Variants in NOXRED1 observed in about 807,000 individuals in gnomAD.
NOXRED1 encodes NADP dependent oxidoreductase domain containing 1, also known as NADP-dependent oxidoreductase domain-containing protein 1.
In NOXRED1, 20 loss-of-function variants were observed where a neutral mutation model predicts 30.4. The observed-to-expected ratio is 0.66, with a 90% CI of 0.46 to 0.96. The LOEUF is 0.96. Among genes scored for constraint, NOXRED1 ranks in the 40% least tolerant of loss-of-function variants. The probability of loss-of-function intolerance (pLI) is 0.00; values close to 1 mark genes in which losing one functional copy is unlikely to be tolerated. For missense variants in NOXRED1, 374 were observed against 428.0 expected (o/e 0.87, Z 1.11); for synonymous variants, 155 against 168.0 (o/e 0.92, Z 0.60).
chr14:77,422,830 A>T lies in NOXRED1; in HGVS notation c.60T>A (p.Asp20Glu). Residue 20 changes from aspartate to glutamate, a missense_variant, in exon 1 of 6, where the codon GAT becomes GAA. Asp to Glu is a conservative substitution (Grantham distance 45). Transcript: ENST00000380835. ...LQFEYGVPEE[D>E]RIWLYLQGRS... Reference sequence around the variant, plus strand: ...GGCCCTGCAAATACAGCCAGATACGATCTTCCTCTGGAACCCCATACTCAA... The same window carrying T: ...GGCCCTGCAAATACAGCCAGATACGTTCTTCCTCTGGAACCCCATACTCAA... 6.2e-7 allele frequency: 1 copy of T among 1,613,840 alleles called. No individual in the cohort carries two copies. The highest frequency in any genetic ancestry group is 2.2e-5 in the East Asian group (1 of 44,872).
chr14:77,407,656 TAAAGGAAG>T lies in NOXRED1; in HGVS notation c.350-19_350-12del, dbSNP rs1399254274. 1.9e-6 allele frequency: 3 copies of T among 1,609,286 alleles called. No homozygotes were observed. Among genetic ancestry groups the T allele is most frequent in the Non-Finnish European group, 2.6e-6 (3 of 1,175,680 alleles). Reference sequence around the variant, plus strand: ...GCTTCTGGAGCTCACCTGGGAGGGATAAAGGAAGACAGGAAGAGCACAGTACTAAAGAG... The same window carrying T: ...GCTTCTGGAGCTCACCTGGGAGGGATACAGGAAGAGCACAGTACTAAAGAG... On this transcript the variant is annotated splice_polypyrimidine_tract_variant and intron_variant, in intron 2 of 5. Transcript: ENST00000380835.
chr14:77,406,090 G>T lies in NOXRED1; in HGVS notation c.728C>A (p.Ala243Glu), dbSNP rs775895152. 6.2e-7 allele frequency: 1 copy of T among 1,613,408 alleles called. No individual in the cohort carries two copies. ...NIKWLEGVFYAALNICTARNM... is the reference protein window; with the variant it reads ...NIKWLEGVFYEALNICTARNM... ...TCTTGCTGTGCATATGTTTAGGGCC[G>T]CATAGAACACTCCCTCCAACCACTT... The change falls in exon 5 of 6, where the codon GCG becomes GAG. Residue 243 changes from alanine to glutamate, a missense_variant. Physicochemically the swap from Ala to Glu is moderately radical, Grantham distance 107 (BLOSUM62 -1). Coordinates refer to ENST00000380835, the MANE Select transcript of NOXRED1 (RefSeq NM_001113475.3).
intron 5 of NOXRED1, among the ~76,000 whole-genome samples, chr14:77,404,647 T>C (rs1894410425): frequency 6.6e-6 from 1 of 151,326 alleles, no homozygotes; most frequent in African/African-American, 2.4e-5. Context: ...GAAAAGGGCC[T>C]AGGATAGAGC....
intron 2 of NOXRED1, among the ~76,000 whole-genome samples, chr14:77,408,909 T>TTTTTTTTTTTTG (rs1462930837): frequency 7.0e-6 from 1 of 142,436 alleles, no homozygotes; most frequent in African/African-American, 2.6e-5. Context: ...TTTTTTTTTT[T>TTTTTTTTTTTTG]TTTGGCTAGC....
intron 5 of NOXRED1, among the ~76,000 whole-genome samples, chr14:77,398,436 T>C (rs769599621): frequency 3.9e-5 from 6 of 152,198 alleles, no homozygotes; most frequent in Non-Finnish European, 7.3e-5. Context: ...TATCTGAGCC[T>C]AACTGACCTG....
At chr14:77,404,225 A>G (rs868863645) in intron 5 of NOXRED1, among the ~76,000 whole-genome samples, 12 of 152,216 alleles carry the variant, frequency 7.9e-5, no homozygotes, top group Middle Eastern at 3.2e-3. Context: ...AAGAGATCCA[A>G]TACAACAGAA....
chr14:77,410,936 CTTTAAAT>C (rs1894632324), intron 2 of NOXRED1, among the ~76,000 whole-genome samples: 1 of 152,086 alleles, frequency 6.6e-6, no homozygotes, highest in Non-Finnish European at 1.5e-5. Context: ...TTAGAAGTTT[CTTTAAAT>C]TTTAAAGATA....
chr14:77,416,353 T>C (rs911408909), intron 1 of NOXRED1, among the ~76,000 whole-genome samples: 10 of 152,162 alleles, frequency 6.6e-5, no homozygotes, highest in Non-Finnish European at 1.0e-4. Context: ...CTTGCGGCCT[T>C]CCACAGTGTT....
intron 1 of NOXRED1, among the ~76,000 whole-genome samples, chr14:77,421,695 C>T (rs141806436): frequency 1.1e-4 from 17 of 152,228 alleles, no homozygotes; most frequent in East Asian, 1.9e-4. Flanking sequence ...GTTTCCTTGG[C>T]GCAAGATTAA....
At position 77,414,181 on chromosome 14, in the gene NOXRED1, C is replaced by CTT. The variant is rs10592368; in HGVS notation, c.156-56_156-55dup. ...TAAATACATGCACACACTAGTTTTT[C>CTT]TTTTTTTTTTTTTTTTTTGAGACAG... On this transcript the variant is annotated intron_variant, in intron 1 of 5. Transcript: ENST00000380835. 21 of 718,190 alleles carry CTT rather than the reference C, an allele frequency of 2.9e-5. No homozygotes were observed. In the African/African-American group the frequency reaches 2.9e-4, roughly 10 times the overall value. The allele number at this position is 718,190 out of a possible 1,614,324, so 44.5% of individuals were successfully genotyped here. A position where few individuals can be genotyped will look rare whatever the true frequency, so the allele number is the denominator to read the frequency against.
intron 1 of NOXRED1, among the ~76,000 whole-genome samples, chr14:77,421,011 A>G (rs1894980304): frequency 6.6e-6 from 1 of 152,222 alleles, no homozygotes. Context: ...TTCATCCAAA[A>G]TATGTTGGTT....
rs1425408763 is a variant in NOXRED1 at position 77,423,016 on chromosome 14, T to C, written c.-127A>G. 1 of 736,778 alleles carries C rather than the reference T, an allele frequency of 1.4e-6. No individual in the cohort carries two copies. 45.6% of individuals were successfully genotyped at this position (736,778 alleles called of 1,614,324 possible). On this transcript the variant is annotated 5_prime_UTR_variant, in exon 1 of 6. Transcript: ENST00000380835. ...GTGCCCAGGTCACAAGCACTCATGA[T>C]GATGGGCTTCAGCACCTCTCTACTC...
At chr14:77,397,864 G>A (rs1894228433) in intron 5 of NOXRED1, among the ~76,000 whole-genome samples, 1 of 138,280 alleles carries the variant, frequency 7.2e-6, no homozygotes, top group East Asian at 2.0e-4. Flanking sequence ...CTGGGTGACA[G>A]AGCTAAAACT....
At chr14:77,405,067 C>G (rs1894421767) in intron 5 of NOXRED1, among the ~76,000 whole-genome samples, 1 of 152,136 alleles carries the variant, frequency 6.6e-6, no homozygotes, top group Non-Finnish European at 1.5e-5. Context: ...ACATATGCCA[C>G]CGAAATACTG....
At chr14:77,395,926 G>C (rs1205526496) in intron 5 of NOXRED1, among the ~76,000 whole-genome samples, 5 of 150,648 alleles carry the variant, frequency 3.3e-5, no homozygotes, top group Admixed American at 3.3e-4. Context: ...TTTTTCAAAA[G>C]ATCAGGAGAG....
intron 4 of NOXRED1, 180 bp from the exon 5 acceptor site, chr14:77,406,315 C>T (rs1264504784): frequency 4.9e-6 from 3 of 606,708 alleles, no homozygotes; most frequent in Non-Finnish European, 8.8e-6. Context: ...CCCTTTATAA[C>T]ACATCATGTG....
intron 1 of NOXRED1, among the ~76,000 whole-genome samples, chr14:77,414,820 C>T (rs1432826222): frequency 6.6e-6 from 1 of 152,070 alleles, no homozygotes; most frequent in Non-Finnish European, 1.5e-5. Flanking sequence ...ACATTGTGGG[C>T]CAGTCCCCTC....
intron 5 of NOXRED1, among the ~76,000 whole-genome samples, chr14:77,404,449 G>C (rs1002475140): frequency 2.0e-5 from 3 of 152,170 alleles, no homozygotes; most frequent in Non-Finnish European, 4.4e-5. Flanking sequence ...TTTAAGAGCA[G>C]GTATGTTTTT....
rs780438770 is a variant in NOXRED1, at chr14:77,394,719, T to C, written c.992A>G (p.Asp331Gly). The C allele has an allele frequency of 3.1e-6, 5 of 1,613,314 alleles. No individual in the cohort carries two copies. The Admixed American group carries it at 5.0e-5, about 16-fold the overall frequency. The part of the protein sequence containing the change: ...QHLSSSPVLQ[D>G]HLTHLYCASF... Reference sequence around the variant, plus strand: ...AGCACAGTATAGATGGGTAAGGTGGTCTTGGAGAACAGGACTACTTGAGAG... The same window carrying C: ...AGCACAGTATAGATGGGTAAGGTGGCCTTGGAGAACAGGACTACTTGAGAG... Residue 331 changes from aspartate to glycine, a missense_variant, in exon 6 of 6, where the codon GAC becomes GGC. Coordinates refer to ENST00000380835, the MANE Select transcript of NOXRED1 (RefSeq NM_001113475.3).
Sources: allele counts gnomAD v4.1 joint callset (sites outside exome capture counted in the v4.1 genomes callset), GRCh38; gene constraint gnomAD v4.1.1; transcripts MANE v1.5; gene names NCBI Gene and HGNC (gene_info 2026-07-23, HGNC 2026-07-21).